C2: variants seen among roughly 807,000 people sequenced by gnomAD.
C2 encodes the protein complement C2.
Under a neutral mutation model 85.2 loss-of-function variants are expected in C2, and 64 were observed. The ratio of observed to expected loss-of-function variants is 0.75; its 90% CI spans 0.61 to 0.92. C2 has a LOEUF of 0.92. Among genes scored for constraint, C2 ranks in the 40% least tolerant of loss-of-function variants. C2 has a pLI of 0.00. For synonymous variants in C2, 311 were observed against 370.8 expected, an observed-to-expected ratio of 0.84 and a Z score of 1.85; for missense variants, 820 against 971.6, an observed-to-expected ratio of 0.84 and a Z score of 2.07.
chr6:31,914,608 CTA>C (rs1443311192), intron 1 of C2, among the ~76,000 whole-genome samples: 2 of 140,100 alleles, frequency 1.4e-5, no homozygotes, highest in Non-Finnish European at 1.5e-5. Context: ...AAAAAGAAGA[CTA>C]TAGTTAATGA....
Position 31,904,441 on chromosome 6 carries a change from G to A in C2, c.73+3302G>A, listed in dbSNP as rs1767582244. Among the ~76,000 whole-genome samples the A allele has an allele frequency of 6.6e-6, 1 of 151,972 alleles. No homozygotes were observed. Among genetic ancestry groups the A allele is most frequent in the Non-Finnish European group, 1.5e-5 (1 of 68,024 alleles). ...TGATTCTCCTGCCTCAACCTCCCAA[G>A]TAGCTGGGATTACAGGTGCCCGCCA... On this transcript the variant is annotated intron_variant, in intron 1 of 3. Transcript: ENST00000452202. This position sits in a 1 kb window ranked among gnomAD's most constrained non-coding sequence, Gnocchi z 4.4.
rs1768884101 is a variant in C2, at chr6:31,920,464, GGT to G, written c.-100+440_-100+441del. Among the ~76,000 whole-genome samples the G allele has an allele frequency of 1.3e-5, 2 of 152,148 alleles. No individual in the cohort carries two copies. The highest frequency in any genetic ancestry group is 1.5e-5 in the Non-Finnish European group (1 of 68,024). ...ATGCTAAGCCCAGAGCTGGGGTTGG[GGT>G]GGTGAGGACCGGAGCCAGGGCAATT... On this transcript the variant is annotated intron_variant, in intron 1 of 3. Transcript: ENST00000413154. This position sits in a 1 kb window ranked among gnomAD's most constrained non-coding sequence, Gnocchi z 5.6.
intron 1 of C2, among the ~76,000 whole-genome samples, chr6:31,906,008 G>A (rs1037493227): frequency 1.3e-5 from 2 of 152,028 alleles, no homozygotes; most frequent in Non-Finnish European, 2.9e-5. Context: ...TGCTTAGCAC[G>A]TACTAGAATA....
chr6:31,943,295 G>A lies in C2; in HGVS notation c.1431G>A (p.Arg477=). 2 of 1,612,962 alleles carry A rather than the reference G, an allele frequency of 1.2e-6. No homozygotes were observed. Among genetic ancestry groups the A allele is most frequent in the Non-Finnish European group, 1.7e-6 (2 of 1,179,910 alleles). ...NMSANASDQE[R]TPWHVTIKPK... ...CAGCAAACGCCTCTGACCAGGAGAG[G>A]ACACCCTGGCATGTCACTATTAAGG... The change falls in exon 11 of 18, where the codon AGG becomes AGA. Residue 477 remains arginine (R), a synonymous_variant. Coordinates refer to ENST00000299367, the MANE Select transcript of C2 (RefSeq NM_000063.6). This position sits in a 1 kb window ranked among gnomAD's most constrained non-coding sequence, Gnocchi z 6.4.
chr6:31,941,911 C>T (rs1325204815), intron 9 of C2, among the ~76,000 whole-genome samples: 6 of 149,200 alleles, frequency 4.0e-5, no homozygotes, highest in South Asian at 2.2e-4. Flanking sequence ...ATCCGCCTCC[C>T]GGTTCAAGCG....
In C2 at chr6:31,945,121, T is replaced by A. The variant is rs1582127076; in HGVS notation, c.2080-57T>A. 3 of 1,610,510 alleles carry A rather than the reference T, an allele frequency of 1.9e-6. No homozygotes were observed. The East Asian group carries it at 6.7e-5, about 36-fold the overall frequency. On this transcript the variant is annotated intron_variant, in intron 17 of 17. Transcript: ENST00000299367. This position sits in a 1 kb window ranked among gnomAD's most constrained non-coding sequence, Gnocchi z 5.3. ...AGGCCTTTGAGGGATCTAGGGAGGT[T>A]GGGGCTTACAGTTGGGGCTGTGGCA...
rs1771021501 is a variant in C2 at position 31,943,086 on chromosome 6, T to A, written c.1347T>A (p.Phe449Leu). Residue 449 changes from phenylalanine (F) to leucine (L), a missense_variant, in exon 10 of 18, where the codon TTT (phenylalanine) becomes TTA (leucine). Phe to Leu is a conservative substitution (Grantham distance 22). Coordinates refer to ENST00000299367, the MANE Select transcript of C2 (RefSeq NM_000063.6). The surrounding 1 kb of genome is among the most constrained non-coding windows in gnomAD (Gnocchi z 6.4). ...ACACAAAGGCTCTGCACCAGGTCTT[T>A]GAACATATGCTGGGTGAGTGAGCTT... Reference protein sequence around the residue: ...LQDTKALHQVFEHMLDVSKLT... With the variant: ...LQDTKALHQVLEHMLDVSKLT... 4 of 1,612,898 alleles carry A rather than the reference T, an allele frequency of 2.5e-6. No individual in the cohort carries two copies. The highest frequency in any genetic ancestry group is 2.5e-6 in the Non-Finnish European group (3 of 1,180,022).
rs1174427082 is a variant in C2, at chr6:31,904,294, G to T, written c.73+3155G>T. On this transcript the variant is annotated intron_variant, in intron 1 of 3. Transcript: ENST00000452202. This position sits in a 1 kb window ranked among gnomAD's most constrained non-coding sequence, Gnocchi z 4.4. ...GAAACGGACTATGAAATTTTCAAAA[G>T]AATTTTATTTTATTTTAATTAATTA... Among the ~76,000 whole-genome samples, 2 of 151,874 alleles carry T rather than the reference G, an allele frequency of 1.3e-5. No homozygotes were observed. Among genetic ancestry groups the T allele is most frequent in the South Asian group, 2.1e-4 (1 of 4,804 alleles).
At chr6:31,925,729 C>T (rs1054590417), upstream of C2, among the ~76,000 whole-genome samples, 1 of 152,216 alleles carries the variant, frequency 6.6e-6, no homozygotes, top group African/African-American at 2.4e-5. Context: ...ATCACTTGTA[C>T]TCACATCTTA....
At chr6:31,905,994 A>G (rs1180286339) in intron 1 of C2, among the ~76,000 whole-genome samples, 1 of 152,050 alleles carries the variant, frequency 6.6e-6, no homozygotes, top group Non-Finnish European at 1.5e-5. Flanking sequence ...ACTTTTTACA[A>G]CGATGCTTAG....
At chr6:31,909,295 C>T (rs1326429131) in intron 1 of C2, among the ~76,000 whole-genome samples, 1 of 151,668 alleles carries the variant, frequency 6.6e-6, no homozygotes, top group Non-Finnish European at 1.5e-5. Context: ...AAATTTTTAA[C>T]GTATTATTAT....
At position 31,928,990 on chromosome 6, in the gene C2, C is replaced by T. The variant is rs9332706; in HGVS notation, c.442+73C>T. ...GGAACCCTGGGGCCCAATGTGCATCCAGGAAGCCTCTGTGGGGATAGGAGT... is the reference window on the plus strand; with the variant it reads ...GGAACCCTGGGGCCCAATGTGCATCTAGGAAGCCTCTGTGGGGATAGGAGT... On this transcript the variant is annotated intron_variant, in intron 3 of 17. Transcript: ENST00000299367. 2.1e-4 allele frequency: 297 copies of T among 1,387,072 alleles called. 2 individuals are homozygous for T. In the African/African-American group the frequency reaches 3.3e-3, roughly 15 times the overall value. The allele number at this position is 1,387,072 out of a possible 1,614,324, so 85.9% of individuals were successfully genotyped here.
intron 1 of C2, among the ~76,000 whole-genome samples, chr6:31,914,427 C>T (rs983365048): frequency 3.4e-5 from 5 of 149,150 alleles, no homozygotes; most frequent in African/African-American, 1.2e-4. Flanking sequence ...CCCATCTCTA[C>T]TAAAAATACA....
upstream of C2, among the ~76,000 whole-genome samples, chr6:31,926,335 C>CTT (rs9281627): frequency 0.01 from 1,495 of 143,846 alleles, 23 homozygotes; most frequent in Non-Finnish European, 0.016. Flanking sequence ...TTTGTGTACT[C>CTT]TTTTTTTTTT....
upstream of C2, chr6:31,927,407 C>G: frequency 9.6e-7 from 1 of 1,046,608 alleles, no homozygotes; most frequent in South Asian, 1.9e-5. This position sits in a 1 kb window ranked among gnomAD's most constrained non-coding sequence, Gnocchi z 4.7. Flanking sequence ...ACACACGAGC[C>G]CAAATATGTG....
intron 1 of C2, among the ~76,000 whole-genome samples, chr6:31,914,318 C>T (rs1446350380): frequency 6.6e-6 from 1 of 151,498 alleles, no homozygotes; most frequent in African/African-American, 2.4e-5. Context: ...AGTGGCCGGG[C>T]GCGGTGGCTC....
upstream of C2, chr6:31,899,872 C>T (rs1767064725): frequency 3.4e-5 from 51 of 1,505,550 alleles, no homozygotes; most frequent in Non-Finnish European, 4.2e-5. Flanking sequence ...GCCAAAGAGC[C>T]CTTTTTCCAC....
rs151184492 is a variant in C2 at position 31,910,591 on chromosome 6, G to T, written c.73+9452G>T. ...TGTATTACATTAGGATAATGTCTTG[G>T]GGGTAGAAATAGAACTATGAAAATA... On this transcript the variant is annotated intron_variant, in intron 1 of 3. Coordinates refer to the C2 transcript ENST00000452202. 6.6e-5 allele frequency among the ~76,000 whole-genome samples: 10 copies of T among 152,118 alleles called. No individual in the cohort carries two copies. The East Asian group carries it at 9.7e-4, about 15-fold the overall frequency.
In C2 at chr6:31,931,329, C is replaced by A. The variant is rs1308108587; in HGVS notation, c.443-2281C>A. On this transcript the variant is annotated intron_variant, in intron 3 of 17. Coordinates refer to ENST00000299367, the MANE Select transcript of C2 (RefSeq NM_000063.6). ...CTCACAGAGGGGGATTTGGCAGGGT[C>A]ACAGGACAATAGTGGAGGGAAGGTC... 2.7e-5 allele frequency among the ~76,000 whole-genome samples: 4 copies of A among 146,944 alleles called. No individual in the cohort carries two copies. The Admixed American group carries it at 2.8e-4, about 10-fold the overall frequency.
Sources: allele counts gnomAD v4.1 joint callset (sites outside exome capture counted in the v4.1 genomes callset), GRCh38; gene constraint gnomAD v4.1.1; non-coding constraint Gnocchi (gnomAD v3.1); transcripts MANE v1.5; gene names NCBI Gene and HGNC (gene_info 2026-07-23, HGNC 2026-07-21).